Variants in KIAA0825 observed in about 807,000 individuals in gnomAD.
KIAA0825 encodes KIAA0825.
A neutral mutation model predicts 147.6 loss-of-function variants in KIAA0825; 119 were observed. That is an observed-to-expected ratio of 0.81 (90% CI 0.69 to 0.94). The LOEUF (loss-of-function observed/expected upper bound fraction) is 0.94. Among genes scored for constraint, KIAA0825 ranks in the 40% least tolerant of loss-of-function variants. KIAA0825 has a pLI of 0.00. For missense variants in KIAA0825, 1,381 were observed against 1,472.7 expected (o/e 0.94, Z 1.02); for synonymous variants, 470 against 518.1 (o/e 0.91, Z 1.26).
chr5:94,158,436 C>G (rs1767250340), intron 20 of KIAA0825, among the ~76,000 whole-genome samples: 1 of 152,140 alleles, frequency 6.6e-6, no homozygotes, highest in Non-Finnish European at 1.5e-5. Flanking sequence ...TGACACTACA[C>G]TATGTCTAGA....
intron 17 of KIAA0825, 88 bp downstream of exon 17, chr5:94,396,013 C>A: frequency 8.4e-7 from 1 of 1,194,262 alleles, no homozygotes; most frequent in Non-Finnish European, 1.1e-6. Context: ...CTACTGCTGC[C>A]CATCTGACAA....
At chr5:94,440,193 G>C in intron 13 of KIAA0825, 72 bp from the exon 14 acceptor site, 2 of 1,376,830 alleles carry the variant, frequency 1.5e-6, no homozygotes, top group Non-Finnish European at 2.0e-6. Context: ...TTAAAGTACA[G>C]ATGTAATGCT....
In KIAA0825 at chr5:94,603,803, C is replaced by T. The variant is rs148781557; in HGVS notation, c.-153+14697G>A. Reference sequence around the variant, plus strand: ...AGTTTCTGACAAAAGAGACTTCAAACGAACAAAGATTAAAAAATGACAAAG... The same window carrying T: ...AGTTTCTGACAAAAGAGACTTCAAATGAACAAAGATTAAAAAATGACAAAG... On this transcript the variant is annotated intron_variant, in intron 1 of 20. Coordinates refer to ENST00000682413, the MANE Select transcript of KIAA0825 (RefSeq NM_001145678.3). Among the ~76,000 whole-genome samples the T allele has an allele frequency of 1.9e-3, 290 of 152,116 alleles. 3 individuals carry two copies. The East Asian group carries it at 0.046, about 24-fold the overall frequency.
chr5:94,588,884 G>C (rs1783817980), intron 1 of KIAA0825, among the ~76,000 whole-genome samples: 1 of 152,072 alleles, frequency 6.6e-6, no homozygotes, highest in Admixed American at 6.5e-5. Context: ...CATGGATGAA[G>C]CTAGAAACCA....
intron 19 of KIAA0825, among the ~76,000 whole-genome samples, chr5:94,385,034 T>C (rs143068100): frequency 1.6e-3 from 245 of 152,250 alleles, no homozygotes; most frequent in African/African-American, 5.5e-3. Context: ...CAACAGACTA[T>C]GGAGAAAAAT....
intron 20 of KIAA0825, among the ~76,000 whole-genome samples, chr5:94,361,775 C>A (rs144119133): frequency 6.6e-6 from 1 of 152,006 alleles, no homozygotes; most frequent in East Asian, 1.9e-4. Context: ...CCTCAGAAAC[C>A]CTTGGGGTCT....
At chr5:94,197,062 T>C (rs1052168263) in intron 20 of KIAA0825, among the ~76,000 whole-genome samples, 1 of 152,234 alleles carries the variant, frequency 6.6e-6, no homozygotes, top group South Asian at 2.1e-4. Context: ...CTGCAGTGAC[T>C]GAACTAATTT....
At chr5:94,315,249 G>T (rs1307173186) in intron 20 of KIAA0825, among the ~76,000 whole-genome samples, 1 of 151,492 alleles carries the variant, frequency 6.6e-6, no homozygotes, top group South Asian at 2.1e-4. Context: ...CATGACAAAG[G>T]ACTTATTAAT....
intron 20 of KIAA0825, among the ~76,000 whole-genome samples, chr5:94,271,641 G>A (rs56195266): frequency 0.036 from 5,529 of 152,122 alleles, 162 homozygotes; most frequent in East Asian, 0.11. Flanking sequence ...CCAGCTACTC[G>A]GGAGGCTGAG....
intron 20 of KIAA0825, among the ~76,000 whole-genome samples, chr5:94,284,077 A>C (rs1777569434): frequency 6.6e-6 from 1 of 152,160 alleles, no homozygotes. Flanking sequence ...TATCCTCTCA[A>C]ATAAACTTGT....
chr5:94,527,625 C>T (rs972689589), intron 3 of KIAA0825, among the ~76,000 whole-genome samples: 2 of 151,952 alleles, frequency 1.3e-5, no homozygotes, highest in African/African-American at 2.4e-5. Flanking sequence ...CATTTTGATG[C>T]TCTTGCTTAT....
chr5:94,254,468 G>A (rs1159683582), intron 20 of KIAA0825, among the ~76,000 whole-genome samples: 2 of 152,116 alleles, frequency 1.3e-5, no homozygotes, highest in South Asian at 2.1e-4. Context: ...GGACGGATTA[G>A]TGTAAATCCA....
chr5:94,521,019 T>C lies in KIAA0825; in HGVS notation c.301-102A>G, dbSNP rs1768083791. On this transcript the variant is annotated intron_variant, in intron 4 of 20. Transcript: ENST00000682413. The stretch of plus-strand genomic sequence containing the variant: ...AATAATTTCAGGTTGAAATCAATAC[T>C]CTAAAATTCCTTAAGATTTTATTTT... 1.7e-5 allele frequency: 17 copies of C among 996,008 alleles called. No individual in the cohort carries two copies. In the South Asian group the frequency reaches 3.2e-4, roughly 19 times the overall value. 61.7% of individuals were successfully genotyped at this position (996,008 alleles called of 1,614,324 possible). A position where few individuals can be genotyped will look rare whatever the true frequency, so the allele number is the denominator to read the frequency against.
chr5:94,309,245 GGA>G (rs1177978901), intron 20 of KIAA0825, among the ~76,000 whole-genome samples: 6 of 151,368 alleles, frequency 4.0e-5, no homozygotes, highest in Non-Finnish European at 7.4e-5. Context: ...TTTTAGCCGA[GGA>G]GATAAAACAC....
chr5:94,182,725 C>T (rs1020381188), intron 20 of KIAA0825, among the ~76,000 whole-genome samples: 3 of 151,994 alleles, frequency 2.0e-5, no homozygotes, highest in South Asian at 4.2e-4. Flanking sequence ...TATTGCATAC[C>T]TTGAGAGATT....
At chr5:94,582,888 C>G (rs76596522) in intron 1 of KIAA0825, among the ~76,000 whole-genome samples, 2 of 152,042 alleles carry the variant, frequency 1.3e-5, no homozygotes, top group Non-Finnish European at 2.9e-5. Flanking sequence ...AAATTTATCA[C>G]AAAGAGAGTA....
chr5:94,326,132 G>A lies in KIAA0825; in HGVS notation c.3710+58236C>T, dbSNP rs560009308. ...CTTCCATTCATACTAGAGACATGTT[G>A]AAAAACACTATATTTTCTCTCAATA... On this transcript the variant is annotated intron_variant, in intron 20 of 20. Coordinates refer to ENST00000682413, the MANE Select transcript of KIAA0825 (RefSeq NM_001145678.3). 2.0e-5 allele frequency among the ~76,000 whole-genome samples: 3 copies of A among 152,030 alleles called. No individual in the cohort carries two copies. The South Asian group carries it at 6.2e-4, about 32-fold the overall frequency.
chr5:94,558,097 C>A (rs1231043483), intron 2 of KIAA0825, among the ~76,000 whole-genome samples: 1 of 152,188 alleles, frequency 6.6e-6, no homozygotes, highest in Non-Finnish European at 1.5e-5. Flanking sequence ...CCACGGTTCT[C>A]TTCTATGACC....
intron 3 of KIAA0825, among the ~76,000 whole-genome samples, chr5:94,532,000 A>T (rs1023007405): frequency 3.3e-5 from 5 of 152,114 alleles, no homozygotes; most frequent in African/African-American, 1.2e-4. Context: ...CTTGAAAGCA[A>T]ATTTTTAATA....
Sources: allele counts gnomAD v4.1 joint callset (sites outside exome capture counted in the v4.1 genomes callset), GRCh38; gene constraint gnomAD v4.1.1; transcripts MANE v1.5; gene names NCBI Gene and HGNC (gene_info 2026-07-23, HGNC 2026-07-21).